The following VAV2 variants were observed in gnomAD, a reference collection of about 807,000 sequenced individuals.
VAV2 encodes vav guanine nucleotide exchange factor 2, also known as guanine nucleotide exchange factor VAV2.
In VAV2, 67 loss-of-function variants were observed where a neutral mutation model predicts 132.5. That is an observed-to-expected ratio of 0.51 (90% CI 0.42 to 0.62). The LOEUF (loss-of-function observed/expected upper bound fraction) is 0.62. Ranked by LOEUF, VAV2 falls within the 20% of genes least tolerant of loss-of-function variation. The pLI is 0.00. For missense variants in VAV2, 938 were observed against 1,153.6 expected (o/e 0.81, Z 2.71); for synonymous variants, 492 against 443.5 (o/e 1.11, Z -1.37).
chr9:133,941,608 TGGGGGG>T (rs56802789), intron 1 of VAV2, among the ~76,000 whole-genome samples: 31 of 135,630 alleles, frequency 2.3e-4, no homozygotes, highest in South Asian at 7.0e-4. Flanking sequence ...CACTTTTTTT[TGGGGGG>T]GGGGGGGGAC....
chr9:133,782,920 G>A (rs1370668312), intron 19 of VAV2, among the ~76,000 whole-genome samples: 4 of 152,202 alleles, frequency 2.6e-5, no homozygotes, highest in African/African-American at 9.7e-5. Context: ...GTGCTTCAGA[G>A]GAGCCTCCAG....
chr9:133,984,714 C>G (rs1842797033), intron 1 of VAV2, among the ~76,000 whole-genome samples: 1 of 152,102 alleles, frequency 6.6e-6, no homozygotes, highest in Non-Finnish European at 1.5e-5. Flanking sequence ...AGGCTACCAG[C>G]ATGGCCAACG....
At chr9:133,868,810 C>T (rs1446935869) in intron 2 of VAV2, among the ~76,000 whole-genome samples, 1 of 152,146 alleles carries the variant, frequency 6.6e-6, no homozygotes, top group Non-Finnish European at 1.5e-5. Flanking sequence ...CCAGCCAAAC[C>T]TCAGTCAAGA....
intron 13 of VAV2, among the ~76,000 whole-genome samples, chr9:133,790,583 G>A (rs952899876): frequency 6.6e-6 from 1 of 152,192 alleles, no homozygotes; most frequent in Non-Finnish European, 1.5e-5. Flanking sequence ...ATTTGTGACC[G>A]CCTCGCGCAG....
rs113096773 is a variant in VAV2 at position 133,785,419 on chromosome 9, G to A, written c.1532+357C>T. ...AGCCCGTAAGACCCTGAAGACTGGGGTCACCAGGAATCCTCTGGCATCATG... is the reference window on the plus strand; with the variant it reads ...AGCCCGTAAGACCCTGAAGACTGGGATCACCAGGAATCCTCTGGCATCATG... On this transcript the variant is annotated intron_variant, in intron 17 of 29. Transcript: ENST00000371850. Among the ~76,000 whole-genome samples the A allele has an allele frequency of 5.4e-3, 825 of 152,334 alleles. 7 individuals carry two copies. The highest frequency in any genetic ancestry group is 0.018 in the African/African-American group (767 of 41,590).
At chr9:133,795,307 G>A (rs1474724507) in intron 12 of VAV2, among the ~76,000 whole-genome samples, 6 of 152,022 alleles carry the variant, frequency 3.9e-5, no homozygotes, top group African/African-American at 2.4e-5. Flanking sequence ...ACCGGAGGTG[G>A]CATTTTAGAA....
chr9:133,948,419 G>A (rs1696797074), intron 1 of VAV2, among the ~76,000 whole-genome samples: 1 of 152,184 alleles, frequency 6.6e-6, no homozygotes, highest in Admixed American at 6.5e-5. Flanking sequence ...GAGGAGTGGG[G>A]TGGTGTTTTC....
rs1333934741 is a variant in VAV2 at position 133,885,288 on chromosome 9, G to A, written c.322-23856C>T. Among the ~76,000 whole-genome samples the A allele has an allele frequency of 6.6e-6, 1 of 152,254 alleles. No homozygotes were observed. Among genetic ancestry groups the A allele is most frequent in the Non-Finnish European group, 1.5e-5 (1 of 68,042 alleles). On this transcript the variant is annotated intron_variant, in intron 2 of 29. Coordinates refer to ENST00000371850, the MANE Select transcript of VAV2 (RefSeq NM_001134398.2). This position sits in a 1 kb window ranked among gnomAD's most constrained non-coding sequence, Gnocchi z 5.0. Reference sequence around the variant, plus strand: ...TCTACTTGGTCCATGTCCAGCCGCAGTGGAAGCGCCTGCCCTGCCCAGCTG... The same window carrying A: ...TCTACTTGGTCCATGTCCAGCCGCAATGGAAGCGCCTGCCCTGCCCAGCTG...
At chr9:133,870,727 G>A (rs1335247660) in intron 2 of VAV2, among the ~76,000 whole-genome samples, 1 of 150,964 alleles carries the variant, frequency 6.6e-6, no homozygotes, top group Admixed American at 6.6e-5. Context: ...ACAGACGGAT[G>A]GATCAGCAGA....
chr9:133,864,529 T>C (rs1340022997), intron 2 of VAV2, among the ~76,000 whole-genome samples: 1 of 152,154 alleles, frequency 6.6e-6, no homozygotes, highest in Non-Finnish European at 1.5e-5. Context: ...GACCTCAGGT[T>C]CCAAGACACC....
chr9:133,878,500 G>A (rs1251794447), intron 2 of VAV2, among the ~76,000 whole-genome samples: 1 of 152,196 alleles, frequency 6.6e-6, no homozygotes, highest in Non-Finnish European at 1.5e-5. Context: ...ACCCGCAAGA[G>A]TAAGGGAGAC....
intron 1 of VAV2, among the ~76,000 whole-genome samples, chr9:133,957,384 C>T (rs556761986): frequency 2.6e-5 from 4 of 152,244 alleles, no homozygotes; most frequent in African/African-American, 9.6e-5. Flanking sequence ...CCACTGAGGG[C>T]GTTTTTCTGT....
At chr9:133,941,340 G>A (rs2789848) in intron 1 of VAV2, among the ~76,000 whole-genome samples, 108,342 of 151,346 alleles carry the variant, frequency 0.72, 39,032 homozygotes, top group East Asian at 0.81. Context: ...CTCAGGAAGC[G>A]GAGGTTGCAG....
intron 1 of VAV2, among the ~76,000 whole-genome samples, chr9:133,978,350 C>A (rs748092736): frequency 6.6e-6 from 1 of 152,220 alleles, no homozygotes; most frequent in Admixed American, 6.5e-5. Flanking sequence ...TCCTTAACAA[C>A]AGAAGACAGG....
chr9:133,799,575 G>A (rs886783202), intron 9 of VAV2, among the ~76,000 whole-genome samples: 3 of 152,156 alleles, frequency 2.0e-5, no homozygotes, highest in African/African-American at 7.2e-5. Context: ...TGGGAGGTCT[G>A]CATGGAGGCA....
intron 2 of VAV2, among the ~76,000 whole-genome samples, chr9:133,914,460 T>A (rs1451792188): frequency 6.7e-6 from 1 of 149,808 alleles, no homozygotes; most frequent in South Asian, 2.2e-4. Flanking sequence ...AAGCGCTGAC[T>A]TAGTGAGCCT....
chr9:133,947,806 G>A (rs969389665), intron 1 of VAV2, among the ~76,000 whole-genome samples: 2 of 151,610 alleles, frequency 1.3e-5, no homozygotes, highest in African/African-American at 4.8e-5. Flanking sequence ...GAGTGTGTGT[G>A]TGAGACAGAG....
At chr9:133,775,779 T>C (rs923255231) in intron 24 of VAV2, among the ~76,000 whole-genome samples, 2 of 152,242 alleles carry the variant, frequency 1.3e-5, no homozygotes, top group African/African-American at 4.8e-5. Flanking sequence ...TCTGAGCCAG[T>C]TGAGCTGTTT....
rs1343260027 is a variant in VAV2 at position 133,823,344 on chromosome 9, G to C, written c.449+10928C>G. On this transcript the variant is annotated intron_variant, in intron 4 of 29. Transcript: ENST00000371850. The surrounding 1 kb of genome is among the most constrained non-coding windows in gnomAD (Gnocchi z 5.5). ...AACTTCAATTCAGCCTGGTAGGGTTGGGGGCTGCCTCTTAGAGAAGGTGAC... is the reference window on the plus strand; with the variant it reads ...AACTTCAATTCAGCCTGGTAGGGTTCGGGGCTGCCTCTTAGAGAAGGTGAC... Among the ~76,000 whole-genome samples, 1 of 152,226 alleles carries C rather than the reference G, an allele frequency of 6.6e-6. No homozygotes were observed. The highest frequency in any genetic ancestry group is 2.4e-5 in the African/African-American group (1 of 41,462).
Sources: allele counts gnomAD v4.1 joint callset (sites outside exome capture counted in the v4.1 genomes callset), GRCh38; gene constraint gnomAD v4.1.1; non-coding constraint Gnocchi (gnomAD v3.1); transcripts MANE v1.5; gene names NCBI Gene and HGNC (gene_info 2026-07-23, HGNC 2026-07-21).